Variants in MIGA1 observed in about 807,000 individuals in gnomAD.
The protein encoded by MIGA1 is family with sequence similarity 73, member A.
A neutral mutation model predicts 82.0 loss-of-function variants in MIGA1; 58 were observed. The observed-to-expected ratio is 0.71, with a 90% confidence interval of 0.57 to 0.88. MIGA1 has a LOEUF of 0.88. MIGA1 is among the 40% of genes least tolerant of loss of function. MIGA1 has a pLI of 0.00. For synonymous variants in MIGA1, 249 were observed against 253.6 expected (o/e 0.98, Z 0.17); for missense variants, 751 against 749.1 (o/e 1.00, Z -0.03).
chr1:77,846,351 A>G (rs1467972512), intron 8 of MIGA1, among the ~76,000 whole-genome samples: 3 of 152,138 alleles, frequency 2.0e-5, no homozygotes, highest in African/African-American at 7.2e-5. Context: ...TCTGTTAAAG[A>G]TATTGTCATT....
chr1:77,859,920 G>A, intron 10 of MIGA1, 120 bp from the exon 11 acceptor site: 1 of 635,402 alleles, frequency 1.6e-6, no homozygotes, highest in South Asian at 2.0e-5. Context: ...TGAGCTGCCT[G>A]TTGAAATAGC....
Position 77,811,370 on chromosome 1 carries a change from C to A in MIGA1, c.638-2364C>A, listed in dbSNP as rs189973213. ...TCAGGAGACCCTGCTCCAGCACCAC[C>A]CTCTTCTTCATCTTCTTCAAATTCC... On this transcript the variant is annotated intron_variant, in intron 5 of 15. Transcript: ENST00000370791. 146 of 1,607,060 alleles carry A rather than the reference C, an allele frequency of 9.1e-5. No individual in the cohort carries two copies. In the African/African-American group the frequency reaches 1.9e-3, roughly 21 times the overall value.
chr1:77,832,726 A>G (rs557737757), intron 7 of MIGA1, among the ~76,000 whole-genome samples: 12 of 152,334 alleles, frequency 7.9e-5, no homozygotes, highest in African/African-American at 2.9e-4. Flanking sequence ...GAACCTAGAA[A>G]GCTGGGCAGG....
intron 7 of MIGA1, among the ~76,000 whole-genome samples, chr1:77,836,619 T>C (rs1237213914): frequency 3.3e-5 from 5 of 152,176 alleles, no homozygotes; most frequent in Non-Finnish European, 7.4e-5. Context: ...CATTTAACTT[T>C]TGCAACAACT....
intron 7 of MIGA1, among the ~76,000 whole-genome samples, chr1:77,840,680 C>T (rs1024348924): frequency 6.6e-6 from 1 of 152,150 alleles, no homozygotes; most frequent in Non-Finnish European, 1.5e-5. Context: ...GGCGTGGTGG[C>T]ACATGCCTGT....
At chr1:77,842,584 G>A (rs1433238344) in intron 7 of MIGA1, among the ~76,000 whole-genome samples, 1 of 152,136 alleles carries the variant, frequency 6.6e-6, no homozygotes, top group African/African-American at 2.4e-5. Context: ...GCCTTGATCT[G>A]TCCCCCTGGC....
At position 77,869,580 on chromosome 1, in the gene MIGA1, C is replaced by G. The variant is rs551812368; in HGVS notation, c.1563+3189C>G. The stretch of plus-strand genomic sequence containing the variant: ...GCTGGCCGGGCGGGGGGCTGACCCC[C>G]CCACCACCCTCCCGGACGAGGCGGC... On this transcript the variant is annotated intron_variant, in intron 14 of 15. Coordinates refer to ENST00000370791, the MANE Select transcript of MIGA1 (RefSeq NM_198549.4). Among the ~76,000 whole-genome samples, 1,054 of 142,770 alleles carry G rather than the reference C, an allele frequency of 7.4e-3. 16 individuals carry two copies. Among genetic ancestry groups the G allele is most frequent in the African/African-American group, 0.026 (1,003 of 37,974 alleles). 93.7% of individuals were successfully genotyped at this position (142,770 alleles called of 152,430 possible).
intron 8 of MIGA1, chr1:77,848,041 A>C (rs1175075406): frequency 7.8e-7 from 1 of 1,288,126 alleles, no homozygotes; most frequent in African/African-American, 1.5e-5. Flanking sequence ...GCCAGACACC[A>C]CACGAAAGGA....
At chr1:77,820,460 A>G (rs547214248) in intron 7 of MIGA1, among the ~76,000 whole-genome samples, 1 of 152,324 alleles carries the variant, frequency 6.6e-6, no homozygotes, top group South Asian at 2.1e-4. Flanking sequence ...CCTCTTCTGA[A>G]AAATTAACAT....
chr1:77,859,058 T>C lies in MIGA1; in HGVS notation c.1115+2T>C. The C allele has an allele frequency of 6.5e-7, 1 of 1,542,968 alleles. No individual in the cohort carries two copies. On this transcript the variant is annotated splice_donor_variant, in intron 9 of 15. Transcript: ENST00000370791. LOFTEE classifies it high-confidence loss of function. ...AAAAATTTACTCCAGAGTACTGAGGTACCATTTCAGTTTTGTTTATGTTTA... is the reference window on the plus strand; with the variant it reads ...AAAAATTTACTCCAGAGTACTGAGGCACCATTTCAGTTTTGTTTATGTTTA...
intron 8 of MIGA1, among the ~76,000 whole-genome samples, chr1:77,850,962 C>T (rs1282562846): frequency 6.6e-6 from 1 of 152,106 alleles, no homozygotes; most frequent in Admixed American, 6.5e-5. Context: ...CTCTACCTCC[C>T]GTGTTCAAGT....
At position 77,866,302 on chromosome 1, in the gene MIGA1, T is replaced by C. The variant is rs1311867325; in HGVS notation, c.1510-36T>C. 3 of 1,566,238 alleles carry C rather than the reference T, an allele frequency of 1.9e-6. 1 individual carries two copies. In the Middle Eastern group the frequency reaches 5.2e-4, roughly 272 times the overall value. On this transcript the variant is annotated intron_variant, in intron 13 of 15. Coordinates refer to ENST00000370791, the MANE Select transcript of MIGA1 (RefSeq NM_198549.4). Reference sequence around the variant, plus strand: ...ATAAAAATGGAAATGTTTATATAGCTATATATAAATCTTTCTTTTCTCTGC... The same window carrying C: ...ATAAAAATGGAAATGTTTATATAGCCATATATAAATCTTTCTTTTCTCTGC...
chr1:77,858,570 T>G (rs1162052665), intron 8 of MIGA1, among the ~76,000 whole-genome samples: 3 of 152,212 alleles, frequency 2.0e-5, no homozygotes, highest in Non-Finnish European at 4.4e-5. Context: ...CTTTCCTTTA[T>G]AGTTTATCTT....
At chr1:77,801,658 T>C (rs1030407050) in intron 3 of MIGA1, 150 bp downstream of exon 3, 58 of 671,908 alleles carry the variant, frequency 8.6e-5, no homozygotes, top group Non-Finnish European at 1.1e-5. Context: ...GATTAGAAAA[T>C]GTAGATAAGC....
intron 14 of MIGA1, among the ~76,000 whole-genome samples, chr1:77,872,573 CCTGG>C (rs1646855122): frequency 6.6e-6 from 1 of 152,096 alleles, no homozygotes; most frequent in African/African-American, 2.4e-5. Context: ...TGCACTTCAC[CCTGG>C]GCTACAGAGT....
At chr1:77,787,721 C>T (rs1048789391) in intron 2 of MIGA1, among the ~76,000 whole-genome samples, 14 of 151,934 alleles carry the variant, frequency 9.2e-5, no homozygotes, top group African/African-American at 2.7e-4. Context: ...GTTTTGTTCT[C>T]GTGGAGTTTT....
chr1:77,783,157 A>T, intron 1 of MIGA1, 81 bp from the exon 2 acceptor site: 2 of 899,546 alleles, frequency 2.2e-6, no homozygotes, highest in Non-Finnish European at 3.3e-6. Flanking sequence ...TGATAGAATT[A>T]AATTTTCAGT....
intron 1 of MIGA1, among the ~76,000 whole-genome samples, chr1:77,780,728 G>A (rs893269211): frequency 7.3e-5 from 11 of 151,220 alleles, no homozygotes; most frequent in African/African-American, 1.9e-4. Context: ...CCCCCTTCAT[G>A]TTTATTTTTA....
chr1:77,831,481 A>G (rs1684242526), intron 7 of MIGA1, among the ~76,000 whole-genome samples: 1 of 151,634 alleles, frequency 6.6e-6, no homozygotes, highest in Non-Finnish European at 1.5e-5. Context: ...TTTATAATAA[A>G]CAGAAATTTT....
Sources: gnomAD v4.1 joint callset for allele counts (sites outside exome capture counted in the v4.1 genomes callset) on GRCh38, gnomAD v4.1.1 for gene constraint, MANE v1.5 for transcripts, NCBI Gene and HGNC (gene_info 2026-07-23, HGNC 2026-07-21) for gene names.